Variants in LRBA observed in about 807,000 individuals in gnomAD.
LRBA encodes the protein LPS responsive beige-like anchor protein.
A neutral mutation model predicts 330.0 loss-of-function variants in LRBA; 176 were observed. The observed-to-expected ratio is 0.53, with a 90% CI of 0.47 to 0.60. LRBA has a LOEUF of 0.60. Among genes scored for constraint, LRBA ranks in the 20% least tolerant of loss-of-function variants. LRBA has a pLI of 0.00. For synonymous variants in LRBA, 1,230 were observed against 1,193.0 expected (o/e 1.03, Z -0.64); for missense variants, 3,259 against 3,444.8 (o/e 0.95, Z 1.35).
In LRBA at chr4:150,958,270, C is replaced by T. The variant is rs1048218553; in HGVS notation, c.217-29205G>A. Among the ~76,000 whole-genome samples, 39 of 149,296 alleles carry T rather than the reference C, an allele frequency of 2.6e-4. 5 individuals carry two copies. Among genetic ancestry groups the T allele is most frequent in the African/African-American group, 9.8e-4 (38 of 38,688 alleles). On this transcript the variant is annotated intron_variant, in intron 2 of 56. Coordinates refer to ENST00000651943, the MANE Select transcript of LRBA (RefSeq NM_001364905.1). ...CAAACCTCAGTTCTTGACTTCTGTG[C>T]ACCCAAAGGCCCGACACCACACATA... is the stretch of plus-strand genomic sequence containing the variant.
At position 150,851,935 on chromosome 4, in the gene LRBA, T is replaced by TCAGTCC; in HGVS notation, c.3774_3775insGGACTG (p.Leu1258_Lys1259insGlyLeu). ...GGTGCTTCCACGTTGGGACTGGCCTTCAACTCCAGCCTCTCAGTATCTGTA... is the reference window on the plus strand; with the variant it reads ...GGTGCTTCCACGTTGGGACTGGCCTTCAGTCCCAACTCCAGCCTCTCAGTATCTGTA... On this transcript the variant is annotated inframe_insertion, in exon 23 of 57. Coordinates refer to ENST00000651943, the MANE Select transcript of LRBA (RefSeq NM_001364905.1). 1 of 1,614,076 alleles carries TCAGTCC rather than the reference T, an allele frequency of 6.2e-7. No individual in the cohort carries two copies. The highest frequency in any genetic ancestry group is 1.1e-5 in the South Asian group (1 of 91,060).
intron 22 of LRBA, among the ~76,000 whole-genome samples, chr4:150,857,380 A>G (rs946214411): frequency 3.9e-5 from 6 of 152,172 alleles, no homozygotes; most frequent in Non-Finnish European, 8.8e-5. Flanking sequence ...ATTTATAAAG[A>G]TAGGAAGAAC....
intron 11 of LRBA, 74 bp downstream of exon 11, chr4:150,908,260 C>T: frequency 6.8e-7 from 1 of 1,466,650 alleles, no homozygotes; most frequent in Non-Finnish European, 9.2e-7. Context: ...ACCTGAAAGG[C>T]AAAATATTGT....
At chr4:150,294,992 C>T (rs1018105917) in intron 53 of LRBA, among the ~76,000 whole-genome samples, 3 of 151,734 alleles carry the variant, frequency 2.0e-5, no homozygotes, top group Non-Finnish European at 4.4e-5. Flanking sequence ...CAGAATGATC[C>T]CTTTTTTCAC....
intron 56 of LRBA, among the ~76,000 whole-genome samples, chr4:150,269,653 G>A (rs188480456): frequency 7.9e-5 from 12 of 152,270 alleles, no homozygotes; most frequent in African/African-American, 2.4e-4. Flanking sequence ...TTCATAAAAT[G>A]TAAAATCAGG....
intron 53 of LRBA, among the ~76,000 whole-genome samples, chr4:150,299,049 T>C (rs888628537): frequency 6.6e-6 from 1 of 152,084 alleles, no homozygotes; most frequent in Non-Finnish European, 1.5e-5. Context: ...TTTAAAGTAT[T>C]TATTTATCAA....
chr4:150,333,136 A>G (rs556285883), intron 48 of LRBA, among the ~76,000 whole-genome samples: 3 of 152,286 alleles, frequency 2.0e-5, no homozygotes, highest in African/African-American at 4.8e-5. Flanking sequence ...TCAACTTAAC[A>G]AAGACTATTT....
At chr4:150,361,413 T>C (rs1350530692) in intron 47 of LRBA, among the ~76,000 whole-genome samples, 1 of 152,202 alleles carries the variant, frequency 6.6e-6, no homozygotes, top group Non-Finnish European at 1.5e-5. Context: ...GTTTCTCCTC[T>C]TTCTGTTACA....
chr4:150,395,196 T>C (rs967975654), intron 47 of LRBA, among the ~76,000 whole-genome samples: 4 of 152,164 alleles, frequency 2.6e-5, no homozygotes, highest in Non-Finnish European at 4.4e-5. Context: ...TATCCTATTA[T>C]TTACCTTAAT....
chr4:150,437,723 T>G (rs889957810), intron 44 of LRBA, among the ~76,000 whole-genome samples: 1 of 151,978 alleles, frequency 6.6e-6, no homozygotes, highest in African/African-American at 2.4e-5. Context: ...AAGATAAAAA[T>G]GAGTAGGTAC....
chr4:150,868,303 T>A lies in LRBA; in HGVS notation c.2452A>T (p.Ile818Leu), dbSNP rs766402951. Residue 818 changes from isoleucine to leucine, a missense_variant and splice_region_variant, in exon 21 of 57, where the codon ATA (isoleucine) becomes TTA (leucine). By Grantham distance (5) the Ile-to-Leu change is conservative. Coordinates refer to ENST00000651943, the MANE Select transcript of LRBA (RefSeq NM_001364905.1). ...AGTAGGGTCGCAATTACTTTTAGTA[T>A]CTCTGTAAGACAGTTTATAAATAAG... The part of the protein sequence containing the change: ...DSSVKIQNPQ[I>L]LKVIATLLRN... The A allele has an allele frequency of 6.2e-7, 1 of 1,609,786 alleles. No homozygotes were observed. Among genetic ancestry groups the A allele is most frequent in the East Asian group, 2.2e-5 (1 of 44,798 alleles).
intron 48 of LRBA, among the ~76,000 whole-genome samples, chr4:150,346,420 A>C (rs1736314363): frequency 6.6e-6 from 1 of 152,106 alleles, no homozygotes; most frequent in Non-Finnish European, 1.5e-5. Context: ...TTAAAGCAAA[A>C]GTTTTAACGG....
intron 37 of LRBA, among the ~76,000 whole-genome samples, chr4:150,656,445 G>A (rs1173361254): frequency 6.6e-6 from 1 of 152,028 alleles, no homozygotes; most frequent in East Asian, 1.9e-4. Flanking sequence ...TAAATCCAGA[G>A]GTTAGATAAA....
chr4:150,650,921 T>C (rs1779646197), intron 37 of LRBA, among the ~76,000 whole-genome samples: 1 of 152,162 alleles, frequency 6.6e-6, no homozygotes, highest in South Asian at 2.1e-4. Flanking sequence ...TTACTGTGAC[T>C]AAATGGGATT....
intron 48 of LRBA, among the ~76,000 whole-genome samples, chr4:150,343,176 G>T (rs372284243): frequency 6.6e-6 from 1 of 152,218 alleles, no homozygotes. Flanking sequence ...GCTTGGCTGT[G>T]GGAGAGCAGT....
intron 2 of LRBA, among the ~76,000 whole-genome samples, chr4:150,973,825 T>A (rs538753833): frequency 6.6e-6 from 1 of 152,200 alleles, no homozygotes; most frequent in East Asian, 1.9e-4. Context: ...AGACCCTGTC[T>A]CCACAAAAAG....
chr4:150,989,957 T>C (rs1741889448), intron 2 of LRBA, among the ~76,000 whole-genome samples: 1 of 151,942 alleles, frequency 6.6e-6, no homozygotes, highest in Non-Finnish European at 1.5e-5. Context: ...GACCCCCATC[T>C]CTATGAAAAA....
intron 34 of LRBA, among the ~76,000 whole-genome samples, chr4:150,784,962 A>C (rs1398353980): frequency 6.6e-6 from 1 of 152,178 alleles, no homozygotes; most frequent in East Asian, 1.9e-4. Context: ...CAATGGGCTC[A>C]CCTTGCCCGC....
chr4:150,487,953 C>T (rs1359391699), intron 41 of LRBA, 119 bp from the exon 42 acceptor site: 1 of 469,916 alleles, frequency 2.1e-6, no homozygotes, highest in Non-Finnish European at 3.9e-6. Context: ...ACAATTCTTA[C>T]TATATTCCTT....
Sources: gnomAD v4.1 joint callset for allele counts (sites outside exome capture counted in the v4.1 genomes callset) on GRCh38, gnomAD v4.1.1 for gene constraint, MANE v1.5 for transcripts, NCBI Gene and HGNC (gene_info 2026-07-23, HGNC 2026-07-21) for gene names.